The following IL1RAPL1 variants were observed in gnomAD, a reference collection of about 807,000 sequenced individuals.
The protein encoded by IL1RAPL1 is interleukin-1 receptor accessory protein-like 1.
A neutral mutation model predicts 48.4 loss-of-function variants in IL1RAPL1; 3 were observed. That is an observed-to-expected ratio of 0.06 (90% CI 0.03 to 0.16). IL1RAPL1 has a LOEUF of 0.16. Ranked by LOEUF, IL1RAPL1 falls within the 10% of genes least tolerant of loss-of-function variation. The pLI, the probability that IL1RAPL1 is intolerant of heterozygous loss-of-function variation, is 1.00. For synonymous variants in IL1RAPL1, 185 were observed against 187.7 expected, an observed-to-expected ratio of 0.99 and a Z score of 0.12; for missense variants, 349 against 530.6, an observed-to-expected ratio of 0.66 and a Z score of 3.36.
At chrX:29,064,542 T>G (rs1406467168) in intron 2 of IL1RAPL1, among the ~76,000 whole-genome samples, 4 of 107,613 alleles carry the variant, frequency 3.7e-5, no homozygotes, top group Non-Finnish European at 7.7e-5. Flanking sequence ...AGTAGATTTT[T>G]TTGTTGTTGT....
Position 29,822,905 on chromosome X carries a change from A to G in IL1RAPL1, c.779-94559A>G, listed in dbSNP as rs777699964. Among the ~76,000 whole-genome samples the G allele has an allele frequency of 1.1e-3, 125 of 112,240 alleles. 1 individual carries two copies. Among genetic ancestry groups the G allele is most frequent in the African/African-American group, 3.9e-3 (120 of 30,955 alleles). On this transcript the variant is annotated intron_variant, in intron 6 of 10. Coordinates refer to ENST00000378993, the MANE Select transcript of IL1RAPL1 (RefSeq NM_014271.4). ...GAAGAACTTATAGTGGAAGGAATGG[A>G]AAGTTTCCACAGAGGAGAAAGATGA...
intron 2 of IL1RAPL1, among the ~76,000 whole-genome samples, chrX:29,173,198 G>A (rs1380579980): frequency 9.0e-6 from 1 of 111,371 alleles, no homozygotes; most frequent in Non-Finnish European, 1.9e-5. Context: ...TTGTAGGTAG[G>A]CGGATGATTT....
chrX:29,476,872 CTT>C (rs1198120274), intron 5 of IL1RAPL1, among the ~76,000 whole-genome samples: 2 of 53,933 alleles, frequency 3.7e-5, no homozygotes, highest in African/African-American at 1.4e-4. Context: ...TACCCATATT[CTT>C]TTTTTTTTTT....
chrX:29,344,783 A>G (rs1448252204), intron 3 of IL1RAPL1, among the ~76,000 whole-genome samples: 2 of 112,081 alleles, frequency 1.8e-5, no homozygotes, highest in Admixed American at 1.9e-4. Flanking sequence ...GACTACAGGC[A>G]CATGCCACCA....
chrX:29,891,869 T>C (rs1932281154), intron 6 of IL1RAPL1, among the ~76,000 whole-genome samples: 1 of 111,699 alleles, frequency 9.0e-6, no homozygotes, highest in African/African-American at 3.3e-5. Flanking sequence ...ATTAATACCA[T>C]CTCAAAGATT....
rs185561170 is a variant in IL1RAPL1 at position 29,270,432 on chromosome X, T to C, written c.83-12506T>C. ...TGCTTTACATTTGGATCCATGATCC[T>C]TTTTAGGAAAATTTTTGTTTACAGT... is the stretch of plus-strand genomic sequence containing the variant. On this transcript the variant is annotated intron_variant, in intron 2 of 10. Coordinates refer to ENST00000378993, the MANE Select transcript of IL1RAPL1 (RefSeq NM_014271.4). 1.9e-3 allele frequency among the ~76,000 whole-genome samples: 215 copies of C among 112,303 alleles called. 1 individual carries two copies. Among genetic ancestry groups the C allele is most frequent in the African/African-American group, 6.4e-3 (199 of 31,022 alleles).
At chrX:28,911,089 G>A (rs899240877) in intron 2 of IL1RAPL1, among the ~76,000 whole-genome samples, 27 of 111,071 alleles carry the variant, frequency 2.4e-4, no homozygotes, top group Admixed American at 9.6e-4. Context: ...ATTAGATGAC[G>A]AATATTTGAA....
chrX:28,884,817 C>T lies in IL1RAPL1; in HGVS notation c.82+95392C>T, dbSNP rs374384138. ...AATAAAATATTTATAGATTATTTGG[C>T]AAAGTATAAGTATCTCACATCTGTA... On this transcript the variant is annotated intron_variant, in intron 2 of 10. Coordinates refer to ENST00000378993, the MANE Select transcript of IL1RAPL1 (RefSeq NM_014271.4). 9.0e-5 allele frequency among the ~76,000 whole-genome samples: 10 copies of T among 111,299 alleles called. No homozygotes were observed. In the East Asian group the frequency reaches 1.7e-3, roughly 19 times the overall value.
rs761914303 is a variant in IL1RAPL1, at chrX:29,028,298, T to G, written c.82+238873T>G. ...CCTACTGTTTTTTTTGTTTGTTTTT[T>G]TTTTTTTTTTTTGAGACGGAGTCTT... On this transcript the variant is annotated intron_variant, in intron 2 of 10. Coordinates refer to ENST00000378993, the MANE Select transcript of IL1RAPL1 (RefSeq NM_014271.4). 7.8e-5 allele frequency among the ~76,000 whole-genome samples: 8 copies of G among 102,714 alleles called. No individual in the cohort carries two copies. In the East Asian group the frequency reaches 2.1e-3, roughly 27 times the overall value. The allele number at this position is 102,714 out of a possible 115,157, so 89.2% of individuals were successfully genotyped here.
intron 2 of IL1RAPL1, among the ~76,000 whole-genome samples, chrX:28,977,297 C>T (rs996101959): frequency 8.9e-6 from 1 of 112,160 alleles, no homozygotes; most frequent in Admixed American, 9.4e-5. Context: ...GCAGCTTCTG[C>T]TTCTGGGGAG....
chrX:29,746,895 G>A (rs1025791785), intron 6 of IL1RAPL1, among the ~76,000 whole-genome samples: 2 of 112,115 alleles, frequency 1.8e-5, no homozygotes, highest in South Asian at 3.7e-4. Context: ...GGCGTGATCC[G>A]CTGCACCCAG....
chrX:29,273,884 A>G (rs923378979), intron 2 of IL1RAPL1, among the ~76,000 whole-genome samples: 7 of 111,978 alleles, frequency 6.3e-5, no homozygotes, highest in Admixed American at 1.9e-4. Context: ...GCAATCTTCT[A>G]TACTTGAATT....
chrX:29,297,167 G>T (rs767178027), intron 3 of IL1RAPL1, among the ~76,000 whole-genome samples: 180 of 111,850 alleles, frequency 1.6e-3, no homozygotes, highest in African/African-American at 5.6e-3. Context: ...GTTTTATATT[G>T]TTCTAAAGCC....
chrX:29,052,915 G>T, intron 2 of IL1RAPL1, among the ~76,000 whole-genome samples: 1 of 111,428 alleles, frequency 9.0e-6, no homozygotes, highest in Non-Finnish European at 1.9e-5. Flanking sequence ...ACATGTGCAG[G>T]TTTCTTATAT....
intron 2 of IL1RAPL1, among the ~76,000 whole-genome samples, chrX:29,033,899 G>GACAC (rs372644096): frequency 0.044 from 4,529 of 103,041 alleles, 126 homozygotes; most frequent in Admixed American, 0.15. Context: ...CAAGAAATGG[G>GACAC]ACACACACAC....
chrX:29,787,628 T>C (rs1166943420), intron 6 of IL1RAPL1, among the ~76,000 whole-genome samples: 4 of 111,938 alleles, frequency 3.6e-5, no homozygotes, highest in Non-Finnish European at 7.5e-5. Flanking sequence ...TTTAGTGTTA[T>C]AGAAGATCTT....
At chrX:28,875,738 A>G in intron 2 of IL1RAPL1, among the ~76,000 whole-genome samples, 1 of 111,776 alleles carries the variant, frequency 8.9e-6, no homozygotes, top group Non-Finnish European at 1.9e-5. Flanking sequence ...AGAGAAATGT[A>G]GGTATCTCTA....
chrX:28,760,451 C>T (rs1395951400), intron 1 of IL1RAPL1, among the ~76,000 whole-genome samples: 1 of 111,730 alleles, frequency 9.0e-6, no homozygotes, highest in East Asian at 2.8e-4. Flanking sequence ...CAATAGAGAA[C>T]AAACTTTATC....
At position 29,344,648 on chromosome X, in the gene IL1RAPL1, G is replaced by GT. The variant is rs1933126182; in HGVS notation, c.363-51603dup. On this transcript the variant is annotated intron_variant, in intron 3 of 10. Coordinates refer to ENST00000378993, the MANE Select transcript of IL1RAPL1 (RefSeq NM_014271.4). ...CCATGTTTTTTTTGTTTTTGTTTTT[G>GT]TTTTTTTGAAACAGAGTCTCGCTCT... Among the ~76,000 whole-genome samples the GT allele has an allele frequency of 2.7e-5, 3 of 110,799 alleles. No individual in the cohort carries two copies. In the South Asian group the frequency reaches 1.1e-3, roughly 42 times the overall value.
Sources: allele counts gnomAD v4.1 joint callset (sites outside exome capture counted in the v4.1 genomes callset), GRCh38; gene constraint gnomAD v4.1.1; transcripts MANE v1.5; gene names NCBI Gene and HGNC (gene_info 2026-07-23, HGNC 2026-07-21).